Variants in IL7 observed in about 807,000 individuals in gnomAD.
IL7 encodes the protein interleukin-7.
Under a neutral mutation model 21.6 loss-of-function variants are expected in IL7, and 3 were observed. That is an observed-to-expected ratio of 0.14 (90% CI 0.06 to 0.36). IL7 has a LOEUF of 0.36. Ranked by LOEUF, IL7 falls within the 10% of genes least tolerant of loss-of-function variation. The pLI is 1.00. For synonymous variants in IL7, 62 were observed against 68.1 expected (o/e 0.91, Z 0.44); for missense variants, 175 against 200.2 (o/e 0.87, Z 0.76).
intron 3 of IL7, among the ~76,000 whole-genome samples, chr8:78,707,138 C>G (rs1039800625): frequency 2.0e-5 from 3 of 152,134 alleles, no homozygotes; most frequent in Admixed American, 6.5e-5. Context: ...AGTCATTTTA[C>G]CATATCACAG....
At chr8:78,768,120 A>G (rs183655531) in intron 2 of IL7, among the ~76,000 whole-genome samples, 1 of 152,326 alleles carries the variant, frequency 6.6e-6, no homozygotes, top group East Asian at 1.9e-4. Context: ...GTATGGCTGC[A>G]TAGTATTCCA....
chr8:78,789,111 T>C (rs1005911758), intron 2 of IL7, among the ~76,000 whole-genome samples: 1 of 152,168 alleles, frequency 6.6e-6, no homozygotes, highest in African/African-American at 2.4e-5. Context: ...TGTATCTTTA[T>C]ATTTAAAGTA....
chr8:78,787,635 A>T (rs752222197), intron 2 of IL7, among the ~76,000 whole-genome samples: 18 of 152,012 alleles, frequency 1.2e-4, no homozygotes, highest in Non-Finnish European at 2.5e-4. Flanking sequence ...TTTGGTCTTC[A>T]AGTTTCCTCC....
chr8:78,731,944 AT>A (rs949892731), downstream of IL7, among the ~76,000 whole-genome samples: 5 of 152,206 alleles, frequency 3.3e-5, no homozygotes, highest in Admixed American at 1.3e-4. Flanking sequence ...GAGAGAATAT[AT>A]TTTTTTAACA....
chr8:78,725,295 C>G (rs1157133445), intron 3 of IL7, among the ~76,000 whole-genome samples: 1 of 151,780 alleles, frequency 6.6e-6, no homozygotes, highest in Non-Finnish European at 1.5e-5. Flanking sequence ...GGCAGAGCAT[C>G]AAGAAGTGAC....
At chr8:78,689,083 A>G in intron 3 of IL7, 1 of 457,290 alleles carries the variant, frequency 2.2e-6, no homozygotes, top group Non-Finnish European at 3.5e-6. Flanking sequence ...AAAACTGGGT[A>G]GTTATAAGGA....
rs145680270 is a variant in IL7 at position 78,767,098 on chromosome 8, C to A, written c.148-27016G>T. On this transcript the variant is annotated intron_variant, in intron 2 of 5. Coordinates refer to ENST00000263851, the MANE Select transcript of IL7 (RefSeq NM_000880.4). ...TTTTCTATGAATAGTCTGTTCTTATCCACTTTCTTATAAGTTTTTTGTCTT... is the reference window on the plus strand; with the variant it reads ...TTTTCTATGAATAGTCTGTTCTTATACACTTTCTTATAAGTTTTTTGTCTT... Among the ~76,000 whole-genome samples the A allele has an allele frequency of 1.8e-4, 27 of 152,106 alleles. No individual in the cohort carries two copies. The East Asian group carries it at 5.0e-3, about 28-fold the overall frequency.
chr8:78,688,523 C>A (rs1013914730), intron 3 of IL7, among the ~76,000 whole-genome samples: 3 of 152,014 alleles, frequency 2.0e-5, no homozygotes, highest in Non-Finnish European at 2.9e-5. Context: ...TTTGACACTA[C>A]CAGATTTTTA....
chr8:78,711,901 G>A, intron 3 of IL7: 1 of 749,712 alleles, frequency 1.3e-6, no homozygotes, highest in Non-Finnish European at 2.0e-6. Flanking sequence ...GTAGATATCT[G>A]ATGAACCAGA....
intron 1 of IL7, among the ~76,000 whole-genome samples, chr8:78,803,623 G>A (rs978537989): frequency 1.3e-5 from 2 of 152,106 alleles, no homozygotes; most frequent in Non-Finnish European, 2.9e-5. Context: ...AAATGCACAC[G>A]CTAGCTTCCT....
chr8:78,678,784 T>G, intron 4 of IL7: 11 of 602,884 alleles, frequency 1.8e-5, no homozygotes, highest in South Asian at 3.8e-5. Context: ...AATTATCTGC[T>G]ACATTAAGAT....
chr8:78,701,260 A>G (rs941730726), intron 3 of IL7, among the ~76,000 whole-genome samples: 8 of 152,122 alleles, frequency 5.3e-5, no homozygotes, highest in Admixed American at 2.0e-4. Context: ...GGCAATTGTG[A>G]ATGGGAGTTT....
At chr8:78,689,317 A>G in intron 3 of IL7, 1 of 1,604,962 alleles carries the variant, frequency 6.2e-7, no homozygotes, top group Non-Finnish European at 8.5e-7. Flanking sequence ...ACGTATTAGT[A>G]ATAAAGGGAA....
At chr8:78,697,269 T>C (rs1323380387) in intron 3 of IL7, 4 of 645,264 alleles carry the variant, frequency 6.2e-6, no homozygotes, top group Non-Finnish European at 1.0e-5. Context: ...GCAACCATCA[T>C]CACCATTCAT....
intron 3 of IL7, among the ~76,000 whole-genome samples, chr8:78,727,710 T>C (rs958208273): frequency 2.0e-5 from 3 of 151,990 alleles, no homozygotes; most frequent in African/African-American, 7.2e-5. Context: ...ATGTCTATTA[T>C]TTTTATAATA....
intron 2 of IL7, among the ~76,000 whole-genome samples, chr8:78,753,987 C>G (rs924802227): frequency 1.3e-5 from 2 of 151,908 alleles, no homozygotes; most frequent in Non-Finnish European, 2.9e-5. Context: ...AAAACTGGTA[C>G]AAAACAAGGA....
chr8:78,775,520 G>T (rs917878485), intron 2 of IL7, among the ~76,000 whole-genome samples: 18 of 152,112 alleles, frequency 1.2e-4, no homozygotes, highest in African/African-American at 4.1e-4. Flanking sequence ...AGCAGGAATG[G>T]ATCTCAGAGA....
chr8:78,746,721 T>G (rs1264441607), intron 2 of IL7, among the ~76,000 whole-genome samples: 1 of 152,224 alleles, frequency 6.6e-6, no homozygotes, highest in East Asian at 1.9e-4. Context: ...TGCATACCTG[T>G]GAACCTAAGG....
At chr8:78,756,339 G>A (rs2130748581) in intron 2 of IL7, among the ~76,000 whole-genome samples, 1 of 151,966 alleles carries the variant, frequency 6.6e-6, no homozygotes, top group Admixed American at 6.6e-5. Context: ...AATGAATTAA[G>A]AAGAATTCTC....
Sources: gnomAD v4.1 joint callset for allele counts (sites outside exome capture counted in the v4.1 genomes callset) on GRCh38, gnomAD v4.1.1 for gene constraint, MANE v1.5 for transcripts, NCBI Gene and HGNC (gene_info 2026-07-23, HGNC 2026-07-21) for gene names.